The following LRRC27 variants were observed in gnomAD, a reference collection of about 807,000 sequenced individuals.
The protein encoded by LRRC27 is leucine rich repeat containing 27, also known as leucine-rich repeat-containing protein 27.
A neutral mutation model predicts 55.0 loss-of-function variants in LRRC27; 57 were observed. That is an observed-to-expected ratio of 1.04 (90% CI 0.84 to 1.29). The LOEUF (loss-of-function observed/expected upper bound fraction) is 1.29. Among genes scored for constraint, LRRC27 ranks in the 50% most tolerant of loss-of-function variants. The probability of loss-of-function intolerance (pLI) is 0.00; values close to 1 mark genes in which losing one functional copy is unlikely to be tolerated. For missense variants in LRRC27, 721 were observed against 651.5 expected, an observed-to-expected ratio of 1.11 and a Z score of -1.16; for synonymous variants, 278 against 251.9, an observed-to-expected ratio of 1.10 and a Z score of -0.98.
chr10:132,333,770 G>A, intron 2 of LRRC27, 36 bp downstream of exon 2: 1 of 1,542,682 alleles, frequency 6.5e-7, no homozygotes, highest in East Asian at 2.2e-5. Flanking sequence ...TGTGCCCACA[G>A]GTCCCCTATA....
intron 9 of LRRC27, 127 bp from the exon 10 acceptor site, chr10:132,365,297 C>T (rs1027169599): frequency 7.8e-6 from 10 of 1,274,462 alleles, no homozygotes; most frequent in East Asian, 2.4e-5. Flanking sequence ...CACAGCTGTG[C>T]GGGAGCCTCA....
rs537195831 is a variant in LRRC27, at chr10:132,374,868, C to T, written c.1417-198C>T. Among the ~76,000 whole-genome samples the T allele has an allele frequency of 1.4e-4, 22 of 152,318 alleles. No homozygotes were observed. The highest frequency in any genetic ancestry group is 4.6e-4 in the African/African-American group (19 of 41,560). On this transcript the variant is annotated intron_variant, in intron 10 of 10. Transcript: ENST00000368614. The surrounding 1 kb of genome is among the most constrained non-coding windows in gnomAD (Gnocchi z 4.4). ...CTCATGAGGTAGAAGGCCTGGGAGC[C>T]GGCTGGAAGTAGGCTGCTGGGCCCC...
At chr10:132,353,323 T>TTTTTTAATGATAC in intron 7 of LRRC27, 2 of 1,142,124 alleles carry the variant, frequency 1.8e-6, no homozygotes, top group Non-Finnish European at 2.2e-6. Context: ...CGGCCCTGAC[T>TTTTTTAATGATAC]GGCACAGGGC....
At chr10:132,360,953 G>A (rs536093063) in intron 8 of LRRC27, among the ~76,000 whole-genome samples, 7 of 152,336 alleles carry the variant, frequency 4.6e-5, no homozygotes, top group South Asian at 2.1e-4. Flanking sequence ...AGGCAGCAGC[G>A]AGCAGCACTG....
At chr10:132,331,564 G>T, upstream of LRRC27, 1 of 1,612,932 alleles carries the variant, frequency 6.2e-7, no homozygotes. Context: ...GCTCCTGTGG[G>T]AAGTGGCTCC....
At chr10:132,341,691 C>G (rs2067422612) in intron 3 of LRRC27, among the ~76,000 whole-genome samples, 1 of 152,164 alleles carries the variant, frequency 6.6e-6, no homozygotes, top group African/African-American at 2.4e-5. Flanking sequence ...GCAGGTTATA[C>G]TGTGCGGTGG....
chr10:132,338,710 C>CTTTT (rs928264937), intron 3 of LRRC27, among the ~76,000 whole-genome samples: 45 of 139,974 alleles, frequency 3.2e-4, no homozygotes, highest in Non-Finnish European at 4.8e-4. Flanking sequence ...TTCTTTCTTT[C>CTTTT]TTTTTTTTTT....
intron 4 of LRRC27, among the ~76,000 whole-genome samples, chr10:132,343,096 C>T (rs2067497486): frequency 6.6e-6 from 1 of 152,032 alleles, no homozygotes; most frequent in African/African-American, 2.4e-5. Flanking sequence ...TCCCCTGAAG[C>T]CAGGAGTTTG....
chr10:132,366,709 C>A, intron 10 of LRRC27: 1 of 528,654 alleles, frequency 1.9e-6, no homozygotes. Flanking sequence ...ACAGGTCAGG[C>A]TGGTGCGAGC....
chr10:132,348,009 C>A lies in LRRC27; in HGVS notation c.579C>A (p.Thr193=). 3.1e-6 allele frequency: 5 copies of A among 1,610,226 alleles called. No homozygotes were observed. The highest frequency in any genetic ancestry group is 4.2e-6 in the Non-Finnish European group (5 of 1,178,686). The part of the protein sequence containing the change: ...SQEAPPVREM[T]LRDLPSPGLE... ...AGGCTCCACCGGTTAGAGAGATGACCCTCCGTGACCTCCCGAGCCCAGGAC... is the reference window on the plus strand; with the variant it reads ...AGGCTCCACCGGTTAGAGAGATGACACTCCGTGACCTCCCGAGCCCAGGAC... The change falls in exon 6 of 11, where the codon ACC becomes ACA. Residue 193 remains threonine, a synonymous_variant. Transcript: ENST00000368614. This position sits in a 1 kb window ranked among gnomAD's most constrained non-coding sequence, Gnocchi z 4.2.
chr10:132,353,933 C>T (rs577631848), intron 7 of LRRC27, among the ~76,000 whole-genome samples: 3 of 152,350 alleles, frequency 2.0e-5, no homozygotes, highest in Admixed American at 6.5e-5. Flanking sequence ...ACTCCTGCCT[C>T]GGCTCTGCCA....
intron 4 of LRRC27, among the ~76,000 whole-genome samples, chr10:132,343,920 C>T (rs919031380): frequency 3.3e-5 from 5 of 152,258 alleles, no homozygotes; most frequent in African/African-American, 1.2e-4. Flanking sequence ...AGCCTTACCT[C>T]TCAGCGGCCA....
intron 9 of LRRC27, among the ~76,000 whole-genome samples, chr10:132,362,121 G>A (rs2068651599): frequency 6.6e-6 from 1 of 152,188 alleles, no homozygotes; most frequent in Non-Finnish European, 1.5e-5. Flanking sequence ...CCATGGGGTG[G>A]AGGAAACAGC....
intron 3 of LRRC27, among the ~76,000 whole-genome samples, chr10:132,341,246 G>A (rs369637424): frequency 2.9e-4 from 38 of 132,248 alleles, no homozygotes; most frequent in African/African-American, 8.8e-4. Context: ...GGTACACACC[G>A]TTAGTCTCAG....
chr10:132,330,264 T>C, upstream of LRRC27: 1 of 572,496 alleles, frequency 1.7e-6, no homozygotes, highest in Non-Finnish European at 3.2e-6. Context: ...GAGGCAACAA[T>C]AACAAGCAAG....
At chr10:132,364,863 G>A (rs113499010) in intron 9 of LRRC27, among the ~76,000 whole-genome samples, 1,117 of 5,524 alleles carry the variant, frequency 0.2, 16 homozygotes, top group African/African-American at 0.26. Flanking sequence ...CCACACTCAC[G>A]CAGACTGGAG....
At chr10:132,361,988 T>C (rs2068642978) in intron 9 of LRRC27, among the ~76,000 whole-genome samples, 1 of 152,038 alleles carries the variant, frequency 6.6e-6, no homozygotes, top group African/African-American at 2.4e-5. Flanking sequence ...TCCCATTTCT[T>C]CCCACCCCAG....
intron 7 of LRRC27, among the ~76,000 whole-genome samples, chr10:132,354,450 C>T (rs1021449477): frequency 6.6e-6 from 1 of 152,184 alleles, no homozygotes; most frequent in Admixed American, 6.5e-5. Flanking sequence ...GGGGCCAGCA[C>T]CACACATGGT....
intron 9 of LRRC27, among the ~76,000 whole-genome samples, chr10:132,362,195 G>A (rs1274725123): frequency 2.0e-5 from 3 of 152,170 alleles, no homozygotes; most frequent in Non-Finnish European, 4.4e-5. Context: ...CTGGCCAGGG[G>A]GCGGCCAGGC....
Sources: gnomAD v4.1 joint callset for allele counts (sites outside exome capture counted in the v4.1 genomes callset) on GRCh38, gnomAD v4.1.1 for gene constraint, Gnocchi (gnomAD v3.1) non-coding constraint, MANE v1.5 for transcripts, NCBI Gene and HGNC (gene_info 2026-07-23, HGNC 2026-07-21) for gene names.